The following CORO7 variants were observed in gnomAD, a reference collection of about 807,000 sequenced individuals.
CORO7 encodes coronin 7.
A neutral mutation model predicts 126.6 loss-of-function variants in CORO7; 107 were observed. The ratio of observed to expected loss-of-function variants is 0.85; its 90% CI spans 0.72 to 0.99. CORO7 has a LOEUF of 0.99. CORO7 is among the 50% of genes least tolerant of loss of function. The pLI, the probability that CORO7 is intolerant of heterozygous loss-of-function variation, is 0.00. For synonymous variants in CORO7, 603 were observed against 536.8 expected (o/e 1.12, Z -1.70); for missense variants, 1,314 against 1,255.8 (o/e 1.05, Z -0.70).
intron 9 of CORO7, among the ~76,000 whole-genome samples, chr16:4,378,813 G>A (rs1198964114): frequency 2.0e-5 from 3 of 152,094 alleles, no homozygotes; most frequent in African/African-American, 7.2e-5. Context: ...GACAGCAAGG[G>A]GGACACCGCT....
At chr16:4,405,460 C>G in intron 6 of CORO7, 31 bp downstream of exon 6, 1 of 1,605,514 alleles carries the variant, frequency 6.2e-7, no homozygotes, top group Non-Finnish European at 8.5e-7. Flanking sequence ...CTGCACAGAG[C>G]CCCACAGGGC....
At chr16:4,394,683 T>C (rs2055520698) in intron 7 of CORO7, among the ~76,000 whole-genome samples, 2 of 152,148 alleles carry the variant, frequency 1.3e-5, no homozygotes, top group Admixed American at 6.5e-5. Flanking sequence ...GCACAGGCAA[T>C]GTTTACGGAG....
intron 3 of CORO7, among the ~76,000 whole-genome samples, chr16:4,410,782 G>A (rs1433995509): frequency 2.6e-5 from 4 of 152,154 alleles, no homozygotes; most frequent in Admixed American, 2.6e-4. Flanking sequence ...AGGATTTCAG[G>A]GCTCAACAGT....
intron 9 of CORO7, among the ~76,000 whole-genome samples, chr16:4,367,635 T>C (rs998987181): frequency 6.6e-6 from 1 of 152,068 alleles, no homozygotes; most frequent in Non-Finnish European, 1.5e-5. Context: ...ATCCCTGCGA[T>C]CCCAAGGTCA....
chr16:4,408,571 C>T (rs2056095961), intron 3 of CORO7, among the ~76,000 whole-genome samples: 1 of 152,238 alleles, frequency 6.6e-6, no homozygotes, highest in African/African-American at 2.4e-5. Flanking sequence ...CAGCACAGCC[C>T]ACTGCTCCTT....
intron 1 of CORO7, among the ~76,000 whole-genome samples, chr16:4,416,114 C>T (rs2056402079): frequency 6.6e-6 from 1 of 152,116 alleles, no homozygotes; most frequent in Non-Finnish European, 1.5e-5. Flanking sequence ...AGCCCCGGCT[C>T]CCGGCGAGGC....
chr16:4,413,512 C>T, intron 1 of CORO7, 108 bp from the exon 2 acceptor site: 1 of 985,408 alleles, frequency 1.0e-6, no homozygotes, highest in African/African-American at 1.7e-5. Flanking sequence ...CTCACAGCTG[C>T]ACCATTCGAG....
At chr16:4,415,618 C>T in intron 1 of CORO7, 1 of 711,798 alleles carries the variant, frequency 1.4e-6, no homozygotes, top group Non-Finnish European at 1.7e-6. Flanking sequence ...AAAACGGAAC[C>T]TCTACCCAGA....
chr16:4,365,315 T>G (rs1325523525), intron 10 of CORO7, among the ~76,000 whole-genome samples, 176 bp downstream of exon 10: 2 of 152,216 alleles, frequency 1.3e-5, no homozygotes, highest in Admixed American at 6.5e-5. Flanking sequence ...GTGCTGACAC[T>G]GCTCTATTCT....
At chr16:4,399,524 G>C (rs1289116181) in intron 6 of CORO7, among the ~76,000 whole-genome samples, 1 of 152,136 alleles carries the variant, frequency 6.6e-6, no homozygotes, top group Non-Finnish European at 1.5e-5. Flanking sequence ...CTGTTTAATG[G>C]GTATAGAGTT....
intron 9 of CORO7, among the ~76,000 whole-genome samples, chr16:4,384,396 A>G (rs1175172927): frequency 1.3e-5 from 2 of 152,204 alleles, no homozygotes; most frequent in Non-Finnish European, 2.9e-5. Flanking sequence ...TGATGGACAC[A>G]CAGCACCTTT....
At chr16:4,396,008 G>GTGTGTGTGTGTA (rs1223909782) in intron 6 of CORO7, among the ~76,000 whole-genome samples, 8 of 150,870 alleles carry the variant, frequency 5.3e-5, no homozygotes, top group Non-Finnish European at 1.0e-4. Flanking sequence ...GTGTGTGTGT[G>GTGTGTGTGTGTA]TGTACACAAA....
chr16:4,402,547 C>A (rs1262464500), intron 6 of CORO7, among the ~76,000 whole-genome samples: 1 of 152,188 alleles, frequency 6.6e-6, no homozygotes, highest in Non-Finnish European at 1.5e-5. Context: ...GACCGGCCAC[C>A]CGCCCAGCCC....
At chr16:4,403,020 G>C (rs986969815) in intron 6 of CORO7, among the ~76,000 whole-genome samples, 2 of 152,126 alleles carry the variant, frequency 1.3e-5, no homozygotes, top group Admixed American at 6.5e-5. Context: ...GAAGGAGATG[G>C]GGCGGGGGTG....
chr16:4,382,538 A>G lies in CORO7; in HGVS notation c.785+5448T>C, dbSNP rs1243514757. On this transcript the variant is annotated intron_variant, in intron 9 of 27. Transcript: ENST00000251166. ...GGCGAGGAGGCCTGCGGGGAGGCCCATACACCCCCAGCCGTCCACTCCAAC... is the reference window on the plus strand; with the variant it reads ...GGCGAGGAGGCCTGCGGGGAGGCCCGTACACCCCCAGCCGTCCACTCCAAC... 3.8e-6 allele frequency: 6 copies of G among 1,592,914 alleles called. No individual in the cohort carries two copies. The highest frequency in any genetic ancestry group is 5.1e-6 in the Non-Finnish European group (6 of 1,170,758).
intron 9 of CORO7, among the ~76,000 whole-genome samples, chr16:4,377,224 C>T (rs1410033226): frequency 3.3e-5 from 5 of 152,122 alleles, no homozygotes; most frequent in African/African-American, 4.8e-5. Context: ...CACCCCCCGA[C>T]GTCCCCGAAT....
chr16:4,388,181 A>G, intron 8 of CORO7, 113 bp from the exon 9 acceptor site: 1 of 1,374,720 alleles, frequency 7.3e-7, no homozygotes, highest in Non-Finnish European at 1.0e-6. Flanking sequence ...CACCTGCCCC[A>G]GAGCAGGGCT....
intron 9 of CORO7, among the ~76,000 whole-genome samples, chr16:4,367,194 G>T (rs913840145): frequency 6.6e-6 from 1 of 152,220 alleles, no homozygotes; most frequent in Non-Finnish European, 1.5e-5. Context: ...TGAGGGCCCA[G>T]CAGGGTGAGC....
chr16:4,415,091 C>A (rs1299559315), intron 1 of CORO7, among the ~76,000 whole-genome samples: 1 of 152,094 alleles, frequency 6.6e-6, no homozygotes, highest in African/African-American at 2.4e-5. Context: ...TGGTCTCGAA[C>A]TCCTGAGCTC....
Sources: allele counts gnomAD v4.1 joint callset (sites outside exome capture counted in the v4.1 genomes callset), GRCh38; gene constraint gnomAD v4.1.1; transcripts MANE v1.5; gene names NCBI Gene and HGNC (gene_info 2026-07-23, HGNC 2026-07-21).